The following CNTNAP2 variants were observed in gnomAD, a reference collection of about 807,000 sequenced individuals.
The protein encoded by CNTNAP2 is contactin associated protein 2.
A neutral mutation model predicts 155.2 loss-of-function variants in CNTNAP2; 98 were observed. That is an observed-to-expected ratio of 0.63 (90% CI 0.54 to 0.75). CNTNAP2 has a LOEUF of 0.75. CNTNAP2 is among the 30% of genes least tolerant of loss of function. The pLI is 0.00. For missense variants in CNTNAP2, 1,727 were observed against 1,688.1 expected (o/e 1.02, Z -0.40); for synonymous variants, 651 against 631.2 (o/e 1.03, Z -0.47).
chr7:147,044,211 T>C (rs947085301), intron 4 of CNTNAP2, among the ~76,000 whole-genome samples, 157 bp downstream of exon 4: 2 of 151,976 alleles, frequency 1.3e-5, no homozygotes, highest in African/African-American at 4.8e-5. Flanking sequence ...CATATATATA[T>C]AATAAAAGGT....
intron 3 of CNTNAP2, among the ~76,000 whole-genome samples, chr7:146,986,380 G>A (rs773173426): frequency 4.6e-5 from 7 of 152,096 alleles, no homozygotes; most frequent in East Asian, 1.9e-4. Context: ...TATGTACACC[G>A]CAGTTTCTTT....
chr7:147,982,808 A>C (rs1585061174), intron 15 of CNTNAP2, among the ~76,000 whole-genome samples: 1 of 152,184 alleles, frequency 6.6e-6, no homozygotes, highest in South Asian at 2.1e-4. Flanking sequence ...ACTTGAGGTC[A>C]GGAGTTCGAG....
intron 4 of CNTNAP2, among the ~76,000 whole-genome samples, chr7:147,059,955 A>G (rs556817940): frequency 5.3e-5 from 8 of 152,134 alleles, no homozygotes; most frequent in African/African-American, 1.7e-4. Context: ...TCCAGAATTG[A>G]TTAATCATTG....
chr7:147,596,091 G>A (rs1800822779), intron 12 of CNTNAP2, among the ~76,000 whole-genome samples: 1 of 152,030 alleles, frequency 6.6e-6, no homozygotes, highest in South Asian at 2.1e-4. Flanking sequence ...CCAGGCGTCA[G>A]CATTTAACTG....
chr7:147,123,769 G>T (rs1801168100), intron 6 of CNTNAP2, among the ~76,000 whole-genome samples: 1 of 152,162 alleles, frequency 6.6e-6, no homozygotes, highest in African/African-American at 2.4e-5. Flanking sequence ...GGCCAGGCAT[G>T]GTGGCTCACG....
chr7:148,137,844 T>C (rs1435948411), intron 16 of CNTNAP2, among the ~76,000 whole-genome samples: 2 of 152,238 alleles, frequency 1.3e-5, no homozygotes, highest in Non-Finnish European at 2.9e-5. Context: ...GCAAATGCAC[T>C]GTAGTTGAAG....
chr7:146,686,160 G>C (rs1162782692), intron 1 of CNTNAP2, among the ~76,000 whole-genome samples: 1 of 152,060 alleles, frequency 6.6e-6, no homozygotes, highest in East Asian at 1.9e-4. Context: ...AAATTACCCA[G>C]GAGTGGTGGC....
At chr7:146,780,288 C>A (rs972468427) in intron 2 of CNTNAP2, among the ~76,000 whole-genome samples, 2 of 152,002 alleles carry the variant, frequency 1.3e-5, no homozygotes, top group Non-Finnish European at 2.9e-5. Context: ...GAGGTTCATG[C>A]CATTCTCCCC....
chr7:146,651,349 C>T (rs1224010320), intron 1 of CNTNAP2, among the ~76,000 whole-genome samples: 3 of 152,064 alleles, frequency 2.0e-5, no homozygotes, highest in Admixed American at 2.0e-4. Flanking sequence ...CAAGAATAGC[C>T]TGTAACATAT....
chr7:148,283,089 A>G (rs1013273548), intron 21 of CNTNAP2, among the ~76,000 whole-genome samples: 1 of 151,712 alleles, frequency 6.6e-6, no homozygotes, highest in Non-Finnish European at 1.5e-5. Context: ...AACTACAAAA[A>G]TTAGCCAGGT....
At chr7:147,735,955 A>G (rs1796835571) in intron 13 of CNTNAP2, among the ~76,000 whole-genome samples, 1 of 149,120 alleles carries the variant, frequency 6.7e-6, no homozygotes, top group Admixed American at 6.8e-5. Context: ...CAGCACACTG[A>G]TGGGTCTTGA....
intron 10 of CNTNAP2, among the ~76,000 whole-genome samples, chr7:147,465,122 T>C (rs1415690689): frequency 2.0e-5 from 3 of 151,960 alleles, no homozygotes; most frequent in Non-Finnish European, 4.4e-5. Flanking sequence ...GACACAAAGA[T>C]AGAAAGAGTA....
intron 9 of CNTNAP2, among the ~76,000 whole-genome samples, chr7:147,368,680 A>G (rs1796288656): frequency 6.6e-6 from 1 of 152,198 alleles, no homozygotes; most frequent in Non-Finnish European, 1.5e-5. Flanking sequence ...CTTCATTAAA[A>G]TAAGGGCATG....
chr7:147,609,260 G>C (rs1034294835), intron 12 of CNTNAP2, among the ~76,000 whole-genome samples: 1 of 152,158 alleles, frequency 6.6e-6, no homozygotes, highest in Admixed American at 6.5e-5. Context: ...GGCCGGGCGC[G>C]GTGGCTCACG....
At chr7:148,364,786 GC>G (rs1403072898) in intron 21 of CNTNAP2, among the ~76,000 whole-genome samples, 2 of 152,186 alleles carry the variant, frequency 1.3e-5, no homozygotes, top group African/African-American at 4.8e-5. Context: ...AAAGCAGGCT[GC>G]CCGAGCCAGC....
intron 18 of CNTNAP2, among the ~76,000 whole-genome samples, chr7:148,175,894 C>T (rs988424338): frequency 4.6e-5 from 7 of 152,094 alleles, no homozygotes; most frequent in African/African-American, 9.7e-5. Context: ...CTTCCTTCTC[C>T]GTTCACCATA....
At chr7:147,341,049 G>A (rs1156957141) in intron 9 of CNTNAP2, among the ~76,000 whole-genome samples, 1 of 138,924 alleles carries the variant, frequency 7.2e-6, no homozygotes, top group East Asian at 2.0e-4. Context: ...AGACATGCCT[G>A]CCTCTTCCAG....
At chr7:147,259,371 A>C (rs1252902999) in intron 8 of CNTNAP2, among the ~76,000 whole-genome samples, 1 of 152,212 alleles carries the variant, frequency 6.6e-6, no homozygotes, top group East Asian at 1.9e-4. Context: ...GTCATCTGTT[A>C]ATATTAATGG....
rs1449861503 is a variant in CNTNAP2, at chr7:146,149,093, A to G, written c.97+32120A>G. On this transcript the variant is annotated intron_variant, in intron 1 of 23. Coordinates refer to ENST00000361727, the MANE Select transcript of CNTNAP2 (RefSeq NM_014141.6). The stretch of plus-strand genomic sequence containing the variant: ...TACACCTAATGTAAATGACGAGTTA[A>G]TGGGTGCAGCACACCAACATGGCAC... Among the ~76,000 whole-genome samples, 8 of 152,044 alleles carry G rather than the reference A, an allele frequency of 5.3e-5. No homozygotes were observed. The East Asian group carries it at 1.5e-3, about 29-fold the overall frequency.
Sources: gnomAD v4.1 joint callset for allele counts (sites outside exome capture counted in the v4.1 genomes callset) on GRCh38, gnomAD v4.1.1 for gene constraint, MANE v1.5 for transcripts, NCBI Gene and HGNC (gene_info 2026-07-23, HGNC 2026-07-21) for gene names.